DSTN: variants seen among roughly 807,000 people sequenced by gnomAD.
DSTN encodes destrin.
In DSTN, 10 loss-of-function variants were observed where a neutral mutation model predicts 16.8. The ratio of observed to expected loss-of-function variants is 0.60; its 90% CI spans 0.37 to 1.01. The LOEUF (loss-of-function observed/expected upper bound fraction) is 1.01. Ranked by LOEUF, DSTN falls within the 50% of genes least tolerant of loss-of-function variation. The probability of loss-of-function intolerance (pLI) is 0.01; values close to 1 mark genes in which losing one functional copy is unlikely to be tolerated. For synonymous variants in DSTN, 57 were observed against 58.9 expected (o/e 0.97, Z 0.14); for missense variants, 141 against 196.7 (o/e 0.72, Z 1.69).
intron 2 of DSTN, 91 bp from the exon 3 acceptor site, chr20:17,604,464 C>G: frequency 7.6e-7 from 1 of 1,324,172 alleles, no homozygotes; most frequent in South Asian, 1.3e-5. Context: ...TGAGGATTCT[C>G]AGCAAATGTT....
chr20:17,590,704 T>C (rs1367476338), intron 1 of DSTN, among the ~76,000 whole-genome samples: 1 of 152,240 alleles, frequency 6.6e-6, no homozygotes, highest in East Asian at 1.9e-4. Flanking sequence ...TGAATATCAG[T>C]AACTCTTAGA....
intron 2 of DSTN, among the ~76,000 whole-genome samples, chr20:17,602,438 A>G (rs929475474): frequency 6.6e-6 from 1 of 152,110 alleles, no homozygotes; most frequent in Non-Finnish European, 1.5e-5. Context: ...TATTTCCTTA[A>G]TTTGCAGGTA....
At position 17,595,554 on chromosome 20, in the gene DSTN, G is replaced by T. The variant is rs150823104; in HGVS notation, c.4-5184G>T. On this transcript the variant is annotated intron_variant, in intron 1 of 3. Coordinates refer to ENST00000246069, the MANE Select transcript of DSTN (RefSeq NM_006870.4). ...GAATTGCTTGAACCCAGGAGGCAGA[G>T]GTTGCAGTGAGCCGAGATGGTGCCA... Among the ~76,000 whole-genome samples, 338 of 152,118 alleles carry T rather than the reference G, an allele frequency of 2.2e-3. 4 individuals are homozygous for T. The highest frequency in any genetic ancestry group is 7.6e-3 in the African/African-American group (316 of 41,508).
chr20:17,598,589 G>C (rs2122201555), intron 1 of DSTN, among the ~76,000 whole-genome samples: 1 of 151,866 alleles, frequency 6.6e-6, no homozygotes, highest in East Asian at 1.9e-4. Flanking sequence ...GAGTTGTAAG[G>C]GTTCTTTATT....
intron 1 of DSTN, among the ~76,000 whole-genome samples, chr20:17,580,620 G>A (rs1055721398): frequency 7.2e-5 from 11 of 152,034 alleles, no homozygotes; most frequent in Admixed American, 2.0e-4. Context: ...GATGGCACGC[G>A]CCTGTAATCC....
rs1297527708 is a variant in DSTN at position 17,591,962 on chromosome 20, G to GT, written c.4-8775dup. On this transcript the variant is annotated intron_variant, in intron 1 of 3. Coordinates refer to ENST00000246069, the MANE Select transcript of DSTN (RefSeq NM_006870.4). Reference sequence around the variant, plus strand: ...CAGTTCACCCACTAGAGGCAAAGACGTAAGAGAGCTACCAGCGTATTGAGA... The same window carrying GT: ...CAGTTCACCCACTAGAGGCAAAGACGTTAAGAGAGCTACCAGCGTATTGAGA... 10 of 985,416 alleles carry GT rather than the reference G, an allele frequency of 1.0e-5. No homozygotes were observed. The East Asian group carries it at 1.1e-3, about 112-fold the overall frequency. 61.0% of individuals were successfully genotyped at this position (985,416 alleles called of 1,614,324 possible). A position where few individuals can be genotyped will look rare whatever the true frequency, so the allele number is the denominator to read the frequency against.
chr20:17,605,593 A>G (rs562993697), intron 3 of DSTN, among the ~76,000 whole-genome samples: 3 of 152,222 alleles, frequency 2.0e-5, no homozygotes, highest in Non-Finnish European at 2.9e-5. Context: ...GCTGCTGCAT[A>G]GTTTATTGCT....
At chr20:17,570,259 T>G in intron 1 of DSTN, 48 bp downstream of exon 1, 10 of 1,468,940 alleles carry the variant, frequency 6.8e-6, no homozygotes, top group Non-Finnish European at 8.1e-6. Flanking sequence ...CCGGGAGCAG[T>G]GTGTCTCTGG....
At chr20:17,586,059 CGA>C (rs1238274673) in intron 1 of DSTN, among the ~76,000 whole-genome samples, 6 of 151,942 alleles carry the variant, frequency 3.9e-5, no homozygotes, top group Non-Finnish European at 5.9e-5. Context: ...ACAGGTCGCC[CGA>C]GAGAGGGTCT....
chr20:17,604,479 C>T (rs533886516), intron 2 of DSTN, 76 bp from the exon 3 acceptor site: 1 of 1,439,520 alleles, frequency 6.9e-7, no homozygotes, highest in East Asian at 2.3e-5. Flanking sequence ...AATGTTTACA[C>T]AAGCAAATGT....
intron 1 of DSTN, chr20:17,592,152 A>G (rs376489993): frequency 3.1e-6 from 3 of 958,734 alleles, no homozygotes; most frequent in Non-Finnish European, 3.7e-6. Flanking sequence ...ACAGCCAGGC[A>G]TGGTGGCTCA....
At chr20:17,585,436 C>T (rs1010313396) in intron 1 of DSTN, among the ~76,000 whole-genome samples, 1 of 152,096 alleles carries the variant, frequency 6.6e-6, no homozygotes, top group African/African-American at 2.4e-5. Flanking sequence ...CCAGAGAGAA[C>T]TAAGACAGCT....
chr20:17,602,381 G>A (rs2035596305), intron 2 of DSTN, among the ~76,000 whole-genome samples: 1 of 152,246 alleles, frequency 6.6e-6, no homozygotes, highest in South Asian at 2.1e-4. Flanking sequence ...ATTCACAGCT[G>A]AGTGGCAGAC....
intron 1 of DSTN, among the ~76,000 whole-genome samples, chr20:17,587,322 A>G (rs1353993458): frequency 1.3e-5 from 2 of 152,020 alleles, no homozygotes; most frequent in African/African-American, 4.8e-5. Flanking sequence ...GCTGGAGTGC[A>G]GTGGTGTGAT....
chr20:17,577,543 G>T (rs2035292156), intron 1 of DSTN, among the ~76,000 whole-genome samples: 1 of 148,112 alleles, frequency 6.8e-6, no homozygotes, highest in African/African-American at 2.6e-5. Context: ...CTCCAGCCTG[G>T]GCAACAAAGC....
At chr20:17,580,825 T>A (rs1032721132) in intron 1 of DSTN, among the ~76,000 whole-genome samples, 7 of 151,434 alleles carry the variant, frequency 4.6e-5, no homozygotes, top group Non-Finnish European at 8.8e-5. Flanking sequence ...TCTTTTGAGG[T>A]AGGACTTACA....
intron 1 of DSTN, among the ~76,000 whole-genome samples, chr20:17,588,925 A>G (rs188369933): frequency 3.1e-4 from 47 of 152,234 alleles, no homozygotes; most frequent in Middle Eastern, 3.4e-3. Context: ...TCATTTACAT[A>G]TGGTCACCTG....
In DSTN at chr20:17,570,089, T is replaced by C. The variant is rs1212323840; in HGVS notation, c.-120T>C. 1 of 1,435,490 alleles carries C rather than the reference T, an allele frequency of 7.0e-7. No individual in the cohort carries two copies. Among genetic ancestry groups the C allele is most frequent in the Non-Finnish European group, 9.2e-7 (1 of 1,086,994 alleles). The allele number at this position is 1,435,490 out of a possible 1,614,324, so 88.9% of individuals were successfully genotyped here. On this transcript the variant is annotated 5_prime_UTR_variant, in exon 1 of 4. Coordinates refer to ENST00000246069, the MANE Select transcript of DSTN (RefSeq NM_006870.4). ...GAGGCGCGCCCGCCCCGGGGTAAGC[T>C]CGCGCCGCCGCGTCAGCTCAGCGCT...
At chr20:17,578,992 A>G (rs886183384) in intron 1 of DSTN, among the ~76,000 whole-genome samples, 3 of 151,584 alleles carry the variant, frequency 2.0e-5, no homozygotes, top group African/African-American at 7.3e-5. Flanking sequence ...GCAAGAAGTA[A>G]TGCTGTCTTA....
Sources: gnomAD v4.1 joint callset for allele counts (sites outside exome capture counted in the v4.1 genomes callset) on GRCh38, gnomAD v4.1.1 for gene constraint, MANE v1.5 for transcripts, NCBI Gene and HGNC (gene_info 2026-07-23, HGNC 2026-07-21) for gene names.